The following GPM6A variants were observed in gnomAD, a reference collection of about 807,000 sequenced individuals.
GPM6A encodes neuronal membrane glycoprotein M6-a.
GPM6A carries 7 observed loss-of-function variants against 32.1 expected under a neutral mutation model. The ratio of observed to expected loss-of-function variants is 0.22; its 90% CI spans 0.12 to 0.41. The LOEUF is 0.41. Ranked by LOEUF, GPM6A falls within the 10% of genes least tolerant of loss-of-function variation. The pLI is 1.00. For synonymous variants in GPM6A, 130 were observed against 123.4 expected (o/e 1.05, Z -0.35); for missense variants, 235 against 347.2 (o/e 0.68, Z 2.57).
At chr4:175,993,732 T>C (rs1346579033) in intron 1 of GPM6A, among the ~76,000 whole-genome samples, 1 of 152,232 alleles carries the variant, frequency 6.6e-6, no homozygotes, top group Non-Finnish European at 1.5e-5. Flanking sequence ...ATCTAAATGT[T>C]GTTGCCTTCA....
At chr4:175,711,889 A>C (rs1462988643) in intron 1 of GPM6A, among the ~76,000 whole-genome samples, 1 of 151,984 alleles carries the variant, frequency 6.6e-6, no homozygotes, top group Non-Finnish European at 1.5e-5. Context: ...CTGCAAGCCT[A>C]ATCTTTCCTG....
chr4:175,779,950 TATA>T (rs1181758903), intron 1 of GPM6A, among the ~76,000 whole-genome samples: 1 of 151,834 alleles, frequency 6.6e-6, no homozygotes. Context: ...GTAATATAAC[TATA>T]ATAATTTACA....
At chr4:175,850,232 C>T (rs958560787) in intron 1 of GPM6A, among the ~76,000 whole-genome samples, 1 of 152,022 alleles carries the variant, frequency 6.6e-6, no homozygotes, top group Non-Finnish European at 1.5e-5. Flanking sequence ...AGAGAGGGAA[C>T]AGAGACATGC....
At position 175,686,130 on chromosome 4, in the gene GPM6A, G is replaced by A. The variant is rs894661520; in HGVS notation, c.231-12294C>T. Among the ~76,000 whole-genome samples, 11 of 152,110 alleles carry A rather than the reference G, an allele frequency of 7.2e-5. No individual in the cohort carries two copies. The East Asian group carries it at 1.9e-3, about 27-fold the overall frequency. On this transcript the variant is annotated intron_variant, in intron 2 of 6. Transcript: ENST00000393658. Reference sequence around the variant, plus strand: ...AGGCTTACTTTGTGCATTTCCAAAAGTTTCTAACATTTCAATTCTTACAAA... The same window carrying A: ...AGGCTTACTTTGTGCATTTCCAAAAATTTCTAACATTTCAATTCTTACAAA...
intron 1 of GPM6A, among the ~76,000 whole-genome samples, chr4:175,992,563 A>G (rs1741185258): frequency 6.6e-6 from 1 of 152,198 alleles, no homozygotes; most frequent in South Asian, 2.1e-4. Flanking sequence ...GTGAAATCTT[A>G]CAGGACCAAG....
intron 1 of GPM6A, among the ~76,000 whole-genome samples, chr4:175,969,309 T>G (rs907308218): frequency 2.0e-5 from 3 of 152,134 alleles, no homozygotes; most frequent in Non-Finnish European, 4.4e-5. Context: ...GTGAGACTAT[T>G]CTGTACAATA....
intron 1 of GPM6A, among the ~76,000 whole-genome samples, chr4:175,913,770 A>G (rs1275545015): frequency 2.0e-5 from 3 of 152,138 alleles, no homozygotes; most frequent in Non-Finnish European, 4.4e-5. Flanking sequence ...TACTCTGACC[A>G]CTATATTTAG....
chr4:175,838,958 C>T (rs919564776), intron 1 of GPM6A, among the ~76,000 whole-genome samples: 1 of 151,974 alleles, frequency 6.6e-6, no homozygotes, highest in Non-Finnish European at 1.5e-5. Context: ...GCCACCATGC[C>T]CAACTGAAAA....
chr4:175,844,774 C>A (rs1736039195), intron 1 of GPM6A, among the ~76,000 whole-genome samples: 1 of 152,106 alleles, frequency 6.6e-6, no homozygotes, highest in Admixed American at 6.6e-5. Flanking sequence ...TCTTAGCTTT[C>A]TTTTAAATAA....
intron 4 of GPM6A, among the ~76,000 whole-genome samples, chr4:175,643,451 C>A (rs1233163363): frequency 6.6e-6 from 1 of 152,116 alleles, no homozygotes; most frequent in East Asian, 1.9e-4. Context: ...TCCTGAGAAA[C>A]CAGGTATCAC....
intron 1 of GPM6A, among the ~76,000 whole-genome samples, chr4:176,001,809 A>G (rs1032779775): frequency 1.1e-4 from 17 of 152,112 alleles, no homozygotes; most frequent in Non-Finnish European, 2.2e-4. Context: ...CTCTGCTCAA[A>G]CCTGTACAAA....
chr4:175,638,531 A>G (rs571445799), intron 6 of GPM6A, among the ~76,000 whole-genome samples: 7 of 152,274 alleles, frequency 4.6e-5, no homozygotes, highest in African/African-American at 1.7e-4. Flanking sequence ...CATAATATAT[A>G]AATTTCTATC....
In GPM6A at chr4:175,789,175, C is replaced by A. The variant is rs149838178; in HGVS notation, c.37+23016G>T. Among the ~76,000 whole-genome samples the A allele has an allele frequency of 1.1e-3, 173 of 152,194 alleles. 1 individual carries two copies. The highest frequency in any genetic ancestry group is 4.0e-3 in the African/African-American group (166 of 41,552). On this transcript the variant is annotated intron_variant, in intron 1 of 6. Coordinates refer to ENST00000393658, the MANE Select transcript of GPM6A (RefSeq NM_201591.3). ...AGAACAAAGATGATATTTAATACGT[C>A]TTCTTTTTAAAAGTGCTATAATGAA... is the stretch of plus-strand genomic sequence containing the variant.
intron 1 of GPM6A, among the ~76,000 whole-genome samples, chr4:175,936,284 C>T (rs919422211): frequency 2.9e-4 from 28 of 96,028 alleles, no homozygotes; most frequent in African/African-American, 1.2e-3. Context: ...CCAGCCTGGG[C>T]GACACAGCGA....
At chr4:175,980,051 A>G (rs1208796266) in intron 1 of GPM6A, among the ~76,000 whole-genome samples, 1 of 152,216 alleles carries the variant, frequency 6.6e-6, no homozygotes, top group Non-Finnish European at 1.5e-5. Context: ...ACATATCTTC[A>G]ATCCATACAA....
chr4:175,804,594 A>AT (rs754790457), intron 1 of GPM6A, among the ~76,000 whole-genome samples: 52 of 152,346 alleles, frequency 3.4e-4, no homozygotes, highest in Non-Finnish European at 6.0e-4. Flanking sequence ...TAGACACTGC[A>AT]TATGAAATGC....
intron 1 of GPM6A, among the ~76,000 whole-genome samples, chr4:175,846,062 C>T (rs540803668): frequency 6.6e-5 from 10 of 152,136 alleles, no homozygotes; most frequent in Non-Finnish European, 8.8e-5. Flanking sequence ...CACCCTCCAC[C>T]CCCATAAGAA....
At chr4:175,898,065 G>A (rs960339893) in intron 1 of GPM6A, among the ~76,000 whole-genome samples, 33 of 152,188 alleles carry the variant, frequency 2.2e-4, no homozygotes, top group African/African-American at 7.2e-4. Flanking sequence ...GGTATTATAA[G>A]CTAATTTTGA....
chr4:175,803,289 T>C (rs1428740867), intron 1 of GPM6A, among the ~76,000 whole-genome samples: 1 of 152,102 alleles, frequency 6.6e-6, no homozygotes, highest in Non-Finnish European at 1.5e-5. Flanking sequence ...CAGGAATTTG[T>C]ACTTTGAGAA....
Sources: allele counts gnomAD v4.1 joint callset (sites outside exome capture counted in the v4.1 genomes callset), GRCh38; gene constraint gnomAD v4.1.1; transcripts MANE v1.5; gene names NCBI Gene and HGNC (gene_info 2026-07-23, HGNC 2026-07-21).